The following TOMM40 variants were observed in gnomAD, a reference collection of about 807,000 sequenced individuals.
TOMM40 encodes mitochondrial import receptor subunit TOM40 homolog.
Under a neutral mutation model 38.4 loss-of-function variants are expected in TOMM40, and 9 were observed. That is an observed-to-expected ratio of 0.23 (90% CI 0.14 to 0.41). TOMM40 has a LOEUF of 0.41. Ranked by LOEUF, TOMM40 falls within the 10% of genes least tolerant of loss-of-function variation. The pLI, the probability that TOMM40 is intolerant of heterozygous loss-of-function variation, is 1.00. For missense variants in TOMM40, 299 were observed against 486.5 expected, an observed-to-expected ratio of 0.61 and a Z score of 3.63; for synonymous variants, 184 against 210.0, an observed-to-expected ratio of 0.88 and a Z score of 1.07.
chr19:44,891,707 C>A lies in TOMM40; in HGVS notation c.274+18C>A. 1 of 1,435,892 alleles carries A rather than the reference C, an allele frequency of 7.0e-7. No individual in the cohort carries two copies. 88.9% of individuals were successfully genotyped at this position (1,435,892 alleles called of 1,614,324 possible). A position where few individuals can be genotyped will look rare whatever the true frequency, so the allele number is the denominator to read the frequency against. On this transcript the variant is annotated intron_variant, in intron 1 of 8. Transcript: ENST00000426677. Reference sequence around the variant, plus strand: ...GTGCAAGGGTGAGGGGCGAGGGGCCCCCGCTGGGCTGCGATGGCCTGGATC... The same window carrying A: ...GTGCAAGGGTGAGGGGCGAGGGGCCACCGCTGGGCTGCGATGGCCTGGATC...
chr19:44,891,287 C>A lies in TOMM40; in HGVS notation c.-129C>A, dbSNP rs554906988. On this transcript the variant is annotated 5_prime_UTR_variant, in exon 1 of 9. Coordinates refer to ENST00000426677, the MANE Select transcript of TOMM40 (RefSeq NM_001128917.2). Reference sequence around the variant, plus strand: ...CGTGGCGCACGGGGTGGGAGCGGAGCCCAGGCCGGGAGCAGGCGCCGCCGC... The same window carrying A: ...CGTGGCGCACGGGGTGGGAGCGGAGACCAGGCCGGGAGCAGGCGCCGCCGC... 18 of 1,181,184 alleles carry A rather than the reference C, an allele frequency of 1.5e-5. No homozygotes were observed. The African/African-American group carries it at 2.2e-4, about 15-fold the overall frequency. 73.2% of individuals were successfully genotyped at this position (1,181,184 alleles called of 1,614,324 possible).
Position 44,894,436 on chromosome 19 carries a change from A to G in TOMM40, c.643+370A>G, listed in dbSNP as rs1044985773. 5.9e-5 allele frequency among the ~76,000 whole-genome samples: 9 copies of G among 151,918 alleles called. No homozygotes were observed. In the South Asian group the frequency reaches 6.2e-4, roughly 11 times the overall value. ...GCTACCACGCCTGGCTAATTTTTGT[A>G]TTTTTAGTAGAGACAGGGTTTCACC... On this transcript the variant is annotated intron_variant, in intron 5 of 8. Coordinates refer to ENST00000426677, the MANE Select transcript of TOMM40 (RefSeq NM_001128917.2).
rs1041829764 is a variant in TOMM40, at chr19:44,900,711, A to G, written c.644-19A>G. On this transcript the variant is annotated intron_variant, in intron 5 of 8. Transcript: ENST00000426677. ...TGGCACTCAGGGTGGGTGGAAACTG[A>G]TCGTCATTTTGCCCACAGGAATCCT... The G allele has an allele frequency of 6.2e-7, 1 of 1,611,834 alleles. No homozygotes were observed. The highest frequency in any genetic ancestry group is 1.3e-5 in the African/African-American group (1 of 74,852).
intron 8 of TOMM40, 137 bp from the exon 9 acceptor site, chr19:44,902,893 G>A (rs1969709542): frequency 2.8e-6 from 3 of 1,080,304 alleles, no homozygotes; most frequent in African/African-American, 3.2e-5. Context: ...TGGTGTGATG[G>A]GGTTTCAGGG....
chr19:44,897,776 C>CA (rs111611308), intron 5 of TOMM40, among the ~76,000 whole-genome samples: 56,986 of 132,612 alleles, frequency 0.43, 12,182 homozygotes, highest in African/African-American at 0.47. Context: ...CGCCCCATCT[C>CA]AAAAAAAAAA....
intron 1 of TOMM40, among the ~76,000 whole-genome samples, chr19:44,891,983 G>A (rs965441689): frequency 1.3e-5 from 2 of 152,204 alleles, no homozygotes; most frequent in Admixed American, 6.5e-5. Context: ...TGAGGCCCAA[G>A]GTCACGGTGT....
intron 5 of TOMM40, among the ~76,000 whole-genome samples, chr19:44,899,447 C>T (rs1421281025): frequency 2.0e-5 from 3 of 152,072 alleles, no homozygotes; most frequent in Non-Finnish European, 4.4e-5. Context: ...AATCCTCCCA[C>T]GTCCACCCCC....
chr19:44,895,507 A>G (rs936022299), intron 5 of TOMM40, among the ~76,000 whole-genome samples: 2 of 152,040 alleles, frequency 1.3e-5, no homozygotes, highest in Non-Finnish European at 2.9e-5. Context: ...CTTCTCATAC[A>G]CTACAGTTGA....
Position 44,894,071 on chromosome 19 carries a change from G to A in TOMM40, c.643+5G>A. The A allele has an allele frequency of 6.7e-7, 1 of 1,500,674 alleles. No individual in the cohort carries two copies. Among genetic ancestry groups the A allele is most frequent in the Non-Finnish European group, 8.9e-7 (1 of 1,123,944 alleles). 93.0% of individuals were successfully genotyped at this position (1,500,674 alleles called of 1,614,324 possible). ...CAGACGTCCTCGTGGGTTCAGGTAA[G>A]AGGCGGAGGGCTTGGAGGGTGGTCA... is the stretch of plus-strand genomic sequence containing the variant. On this transcript the variant is annotated splice_donor_5th_base_variant and intron_variant, in intron 5 of 8. Coordinates refer to ENST00000426677, the MANE Select transcript of TOMM40 (RefSeq NM_001128917.2).
chr19:44,899,791 C>CTTTTTTTTTTTTTT (rs10524523), intron 5 of TOMM40, among the ~76,000 whole-genome samples: 5 of 90,990 alleles, frequency 5.5e-5, no homozygotes, highest in African/African-American at 7.4e-5. Flanking sequence ...TTGCATCTGG[C>CTTTTTTTTTTTTTT]TTTTTTTTTT....
chr19:44,896,153 C>T (rs1190904491), intron 5 of TOMM40, among the ~76,000 whole-genome samples: 4 of 152,142 alleles, frequency 2.6e-5, no homozygotes, highest in African/African-American at 9.7e-5. Flanking sequence ...GCACTGGCCT[C>T]CTGGAGCCCA....
intron 5 of TOMM40, among the ~76,000 whole-genome samples, chr19:44,900,222 G>A (rs1401195681): frequency 1.3e-5 from 2 of 152,184 alleles, no homozygotes; most frequent in Non-Finnish European, 2.9e-5. Flanking sequence ...AACCCCAAGA[G>A]GCAGTTAGGT....
chr19:44,901,253 A>T lies in TOMM40; in HGVS notation c.889A>T (p.Thr297Ser). 1.2e-6 allele frequency: 2 copies of T among 1,614,056 alleles called. No individual in the cohort carries two copies. Among genetic ancestry groups the T allele is most frequent in the Non-Finnish European group, 1.7e-6 (2 of 1,180,000 alleles). The change falls in exon 8 of 9, where the codon ACC (threonine) becomes TCC (serine). Residue 297 changes from threonine to serine, a missense_variant. Physicochemically the swap from Thr to Ser is moderately conservative, Grantham distance 58 (BLOSUM62 1). Transcript: ENST00000426677. ...EFEASTRMQD[T>S]SVSFGYQLDL... is the part of the protein sequence containing the mutation. ...TGAGGCCAGCACAAGGATGCAGGAC[A>T]CCAGCGTCTCCTTCGGGTACCAGCT...
rs1279772515 is a variant in TOMM40 at position 44,891,706 on chromosome 19, C to T, written c.274+17C>T. 33 of 1,437,332 alleles carry T rather than the reference C, an allele frequency of 2.3e-5. No individual in the cohort carries two copies. Among genetic ancestry groups the T allele is most frequent in the Non-Finnish European group, 2.6e-5 (29 of 1,099,044 alleles). 89.0% of individuals were successfully genotyped at this position (1,437,332 alleles called of 1,614,324 possible). On this transcript the variant is annotated intron_variant, in intron 1 of 8. Coordinates refer to ENST00000426677, the MANE Select transcript of TOMM40 (RefSeq NM_001128917.2). ...AGTGCAAGGGTGAGGGGCGAGGGGC[C>T]CCCGCTGGGCTGCGATGGCCTGGAT...
Position 44,901,294 on chromosome 19 carries a change from C to T in TOMM40, c.930C>T (p.Ala310=), listed in dbSNP as rs771768118. 9 of 1,613,946 alleles carry T rather than the reference C, an allele frequency of 5.6e-6. No individual in the cohort carries two copies. Among genetic ancestry groups the T allele is most frequent in the Non-Finnish European group, 7.6e-6 (9 of 1,179,942 alleles). ...GGTACCAGCTGGACCTGCCCAAGGC[C>T]AACCTCCTCTTCAAAGGTAAAGGTC... ...SFGYQLDLPK[A]NLLFKGSVDS... The change falls in exon 8 of 9, where the codon GCC becomes GCT. Residue 310 remains alanine, a synonymous_variant. Coordinates refer to ENST00000426677, the MANE Select transcript of TOMM40 (RefSeq NM_001128917.2).
In TOMM40 at chr19:44,896,814, G is replaced by A. The variant is rs560169963; in HGVS notation, c.643+2748G>A. On this transcript the variant is annotated intron_variant, in intron 5 of 8. Transcript: ENST00000426677. Reference sequence around the variant, plus strand: ...TCACACCTGTAATCCCAGCACTTTGGGAGGCTGAGGTGGGCGGATCGCTTG... The same window carrying A: ...TCACACCTGTAATCCCAGCACTTTGAGAGGCTGAGGTGGGCGGATCGCTTG... Among the ~76,000 whole-genome samples the A allele has an allele frequency of 1.2e-4, 18 of 152,312 alleles. No individual in the cohort carries two copies. The East Asian group carries it at 3.3e-3, about 28-fold the overall frequency.
chr19:44,900,147 C>T (rs2122775269), intron 5 of TOMM40, among the ~76,000 whole-genome samples: 1 of 152,262 alleles, frequency 6.6e-6, no homozygotes, highest in South Asian at 2.1e-4. Flanking sequence ...TGGAGGGACA[C>T]AGGAACGCAG....
chr19:44,894,324 C>T (rs968677515), intron 5 of TOMM40, among the ~76,000 whole-genome samples: 4 of 149,096 alleles, frequency 2.7e-5, no homozygotes, highest in South Asian at 2.1e-4. Flanking sequence ...TGCCGTGGCA[C>T]GATCTTGGCT....
chr19:44,900,036 G>A (rs769079022), intron 5 of TOMM40, among the ~76,000 whole-genome samples: 3 of 151,932 alleles, frequency 2.0e-5, no homozygotes, highest in Non-Finnish European at 4.4e-5. Context: ...CCTGTACCCT[G>A]CTAGGCTCGA....
Sources: allele counts gnomAD v4.1 joint callset (sites outside exome capture counted in the v4.1 genomes callset), GRCh38; gene constraint gnomAD v4.1.1; transcripts MANE v1.5; gene names NCBI Gene and HGNC (gene_info 2026-07-23, HGNC 2026-07-21).